The following EMC3 variants were observed in gnomAD, a reference collection of about 807,000 sequenced individuals.
The protein encoded by EMC3 is 30 kDa protein.
Under a neutral mutation model 36.6 loss-of-function variants are expected in EMC3, and 13 were observed. The observed-to-expected ratio is 0.35, with a 90% CI of 0.23 to 0.56. The LOEUF is 0.56. EMC3 is among the 20% of genes least tolerant of loss of function. The probability of loss-of-function intolerance (pLI) is 0.84; values close to 1 mark genes in which losing one functional copy is unlikely to be tolerated. For missense variants in EMC3, 220 were observed against 324.5 expected (o/e 0.68, Z 2.47); for synonymous variants, 120 against 111.9 (o/e 1.07, Z -0.46).
At chr3:9,981,746 T>C (rs998561231) in intron 1 of EMC3, 2 of 443,868 alleles carry the variant, frequency 4.5e-6, no homozygotes, top group South Asian at 3.2e-5. Context: ...GAAAGATATT[T>C]TCTTGGAATA....
chr3:9,964,530 T>G (rs2085718745), intron 7 of EMC3, among the ~76,000 whole-genome samples: 1 of 152,246 alleles, frequency 6.6e-6, no homozygotes, highest in Admixed American at 6.5e-5. Flanking sequence ...TCACACTCAC[T>G]AAGCACCTTT....
chr3:9,972,627 C>A (rs1002213944), intron 5 of EMC3, among the ~76,000 whole-genome samples: 2 of 151,558 alleles, frequency 1.3e-5, no homozygotes, highest in African/African-American at 2.4e-5. Context: ...AAAAATTACC[C>A]GGATGTGGTG....
At chr3:9,993,368 G>A (rs1484618782) in intron 1 of EMC3, among the ~76,000 whole-genome samples, 1 of 152,134 alleles carries the variant, frequency 6.6e-6, no homozygotes, top group Non-Finnish European at 1.5e-5. Flanking sequence ...TTTATAAACT[G>A]GGAATAATGT....
upstream of EMC3, among the ~76,000 whole-genome samples, chr3:9,989,238 G>C (rs753814925): frequency 6.6e-6 from 1 of 152,166 alleles, no homozygotes; most frequent in African/African-American, 2.4e-5. Flanking sequence ...ATTAATTCTA[G>C]AAATACCTTC....
At chr3:9,971,472 G>C (rs2085784587) in intron 5 of EMC3, among the ~76,000 whole-genome samples, 1 of 152,200 alleles carries the variant, frequency 6.6e-6, no homozygotes, top group Non-Finnish European at 1.5e-5. Context: ...ATAAGGGCAA[G>C]AGTCTATTCT....
At chr3:9,984,604 G>A (rs1306594696) in intron 1 of EMC3, among the ~76,000 whole-genome samples, 1 of 151,886 alleles carries the variant, frequency 6.6e-6, no homozygotes, top group African/African-American at 2.4e-5. Flanking sequence ...TGTTAGCCAG[G>A]ATGGTCTCGA....
At chr3:9,989,775 T>C (rs1383144853), upstream of EMC3, among the ~76,000 whole-genome samples, 2 of 152,132 alleles carry the variant, frequency 1.3e-5, no homozygotes, top group Non-Finnish European at 2.9e-5. Context: ...TAAATATAAA[T>C]ATAATTTGTA....
At chr3:10,010,681 T>C (rs1364138890) in intron 1 of EMC3, among the ~76,000 whole-genome samples, 1 of 152,174 alleles carries the variant, frequency 6.6e-6, no homozygotes, top group Non-Finnish European at 1.5e-5. Context: ...TTGGCATGAA[T>C]GAAACAGGAA....
At chr3:9,974,060 C>T (rs1274132404) in intron 4 of EMC3, among the ~76,000 whole-genome samples, 2 of 152,192 alleles carry the variant, frequency 1.3e-5, no homozygotes, top group Admixed American at 6.5e-5. Context: ...AACTTACAAA[C>T]AAACAGAAAA....
chr3:9,977,053 AG>A lies in EMC3; in HGVS notation c.214-4del. On this transcript the variant is annotated splice_region_variant and splice_polypyrimidine_tract_variant and intron_variant, in intron 2 of 7. Coordinates refer to ENST00000245046, the MANE Select transcript of EMC3 (RefSeq NM_001394674.1). ...TAATATTTTCGTGTCAAGAAAGACT[AG>A]TAAAAAAAAAAAAAAGTGTTTTAAG... 1 of 1,559,544 alleles carries A rather than the reference AG, an allele frequency of 6.4e-7. No individual in the cohort carries two copies. Among genetic ancestry groups the A allele is most frequent in the Non-Finnish European group, 8.7e-7 (1 of 1,145,560 alleles).
chr3:9,992,730 T>C (rs1388736281), intron 1 of EMC3: 2 of 603,910 alleles, frequency 3.3e-6, no homozygotes, highest in African/African-American at 3.7e-5. Context: ...TTCTGGGTTT[T>C]GTGAAAAGTG....
intron 4 of EMC3, among the ~76,000 whole-genome samples, chr3:9,973,940 A>T (rs1244293591): frequency 6.6e-6 from 1 of 152,210 alleles, no homozygotes; most frequent in Non-Finnish European, 1.5e-5. Flanking sequence ...ACTCAAACTG[A>T]GCTGTGACCT....
chr3:9,979,002 CG>C (rs773767212), intron 1 of EMC3, among the ~76,000 whole-genome samples: 1 of 152,180 alleles, frequency 6.6e-6, no homozygotes, highest in Non-Finnish European at 1.5e-5. Context: ...CTTTCCTTTC[CG>C]AGTTCTACTC....
chr3:9,999,612 T>C (rs1472228726), intron 1 of EMC3, among the ~76,000 whole-genome samples: 1 of 152,200 alleles, frequency 6.6e-6, no homozygotes, highest in Non-Finnish European at 1.5e-5. Flanking sequence ...TGATCACACA[T>C]AGTTTTAAAG....
At chr3:9,969,368 T>C (rs987876454) in intron 7 of EMC3, 3 of 1,140,426 alleles carry the variant, frequency 2.6e-6, no homozygotes, top group Non-Finnish European at 3.3e-6. Flanking sequence ...AAAAGGCTCT[T>C]AGTATTGTTT....
chr3:9,996,265 G>A (rs1038089827), intron 1 of EMC3, among the ~76,000 whole-genome samples: 1 of 152,142 alleles, frequency 6.6e-6, no homozygotes, highest in African/African-American at 2.4e-5. Flanking sequence ...GCACCATGGT[G>A]AAACCCCATC....
chr3:9,987,144 G>GC, upstream of EMC3: 1 of 847,588 alleles, frequency 1.2e-6, no homozygotes, highest in Non-Finnish European at 1.4e-6. Flanking sequence ...AACCCAGGAG[G>GC]CGGAGCCTGC....
At chr3:9,986,369 T>C in intron 1 of EMC3, 138 bp downstream of exon 1, 6 of 948,784 alleles carry the variant, frequency 6.3e-6, no homozygotes, top group Non-Finnish European at 9.6e-6. Context: ...AGGACAAAAG[T>C]GAAACACAGA....
intron 1 of EMC3, among the ~76,000 whole-genome samples, chr3:9,982,886 TAA>T (rs1257974737): frequency 1.0e-4 from 14 of 139,018 alleles, no homozygotes; most frequent in Admixed American, 2.9e-4. Flanking sequence ...ACTTGTCACT[TAA>T]AAAAAAAAAA....
Sources: gnomAD v4.1 joint callset for allele counts (sites outside exome capture counted in the v4.1 genomes callset) on GRCh38, gnomAD v4.1.1 for gene constraint, MANE v1.5 for transcripts, NCBI Gene and HGNC (gene_info 2026-07-23, HGNC 2026-07-21) for gene names.